SLC35F1: variants seen among roughly 807,000 people sequenced by gnomAD.
The protein encoded by SLC35F1 is solute carrier family 35 member F1, also known as chromosome 6 open reading frame 169.
SLC35F1 carries 14 observed loss-of-function variants against 48.7 expected under a neutral mutation model. That is an observed-to-expected ratio of 0.29 (90% confidence interval 0.19 to 0.45). SLC35F1 has a LOEUF of 0.45. Ranked by LOEUF, SLC35F1 falls within the 20% of genes least tolerant of loss-of-function variation. SLC35F1 has a pLI of 1.00. For synonymous variants in SLC35F1, 190 were observed against 202.2 expected (o/e 0.94, Z 0.51); for missense variants, 404 against 500.0 (o/e 0.81, Z 1.83).
intron 1 of SLC35F1, among the ~76,000 whole-genome samples, chr6:117,994,283 C>A (rs962362718): frequency 6.6e-6 from 1 of 152,136 alleles, no homozygotes; most frequent in African/African-American, 2.4e-5. Context: ...TCTGCTGCAT[C>A]TCTCTGGCTC....
At chr6:118,179,467 C>A (rs941906417) in intron 2 of SLC35F1, among the ~76,000 whole-genome samples, 1 of 152,104 alleles carries the variant, frequency 6.6e-6, no homozygotes, top group African/African-American at 2.4e-5. Context: ...TGTCTGGGCT[C>A]TCAGCAGATT....
chr6:118,258,170 T>C (rs945661619), intron 3 of SLC35F1, among the ~76,000 whole-genome samples: 9 of 152,140 alleles, frequency 5.9e-5, no homozygotes, highest in African/African-American at 2.2e-4. Flanking sequence ...GTACAATGAA[T>C]TTTGTTATTA....
At chr6:118,146,943 G>A (rs946554465) in intron 1 of SLC35F1, among the ~76,000 whole-genome samples, 1 of 152,180 alleles carries the variant, frequency 6.6e-6, no homozygotes, top group Non-Finnish European at 1.5e-5. Flanking sequence ...CTAAAAGTAA[G>A]TCTGAATTGT....
At chr6:118,102,240 G>C (rs1773268297) in intron 1 of SLC35F1, among the ~76,000 whole-genome samples, 1 of 152,164 alleles carries the variant, frequency 6.6e-6, no homozygotes, top group Admixed American at 6.5e-5. Context: ...CTGAAGTGCA[G>C]TGGTGCAATC....
rs558519772 is a variant in SLC35F1, at chr6:118,316,828, G to A, written c.*2576G>A. ...TACTCAGACTTTCATGTCCCTGGGT[G>A]ACCTCAATGTGTTGGTTTGTCTCCA... On this transcript the variant is annotated 3_prime_UTR_variant, in exon 8 of 8. Coordinates refer to ENST00000360388, the MANE Select transcript of SLC35F1 (RefSeq NM_001029858.4). The A allele has an allele frequency of 6.6e-6, 1 of 152,256 alleles. No homozygotes were observed. Among genetic ancestry groups the A allele is most frequent in the East Asian group, 1.9e-4 (1 of 5,188 alleles). 9.4% of individuals were successfully genotyped at this position (152,256 alleles called of 1,614,324 possible). A position where few individuals can be genotyped will look rare whatever the true frequency, so the allele number is the denominator to read the frequency against.
chr6:118,124,615 C>G (rs1020342888), intron 1 of SLC35F1, among the ~76,000 whole-genome samples: 9 of 152,104 alleles, frequency 5.9e-5, no homozygotes, highest in Non-Finnish European at 5.9e-5. Context: ...CCGGCCCAGG[C>G]TGACAAGACC....
At chr6:118,225,874 T>C in intron 2 of SLC35F1, among the ~76,000 whole-genome samples, 1 of 20,366 alleles carries the variant, frequency 4.9e-5, no homozygotes, top group African/African-American at 1.9e-4. Context: ...AGACTTTGTC[T>C]CAAAAAAAAA....
chr6:118,234,558 G>A (rs1775337479), intron 2 of SLC35F1, among the ~76,000 whole-genome samples: 1 of 152,146 alleles, frequency 6.6e-6, no homozygotes, highest in African/African-American at 2.4e-5. Flanking sequence ...CTTACTAGGA[G>A]AACTTGAGCT....
chr6:118,153,555 T>C (rs1200729864), intron 1 of SLC35F1, among the ~76,000 whole-genome samples: 2 of 152,302 alleles, frequency 1.3e-5, no homozygotes, highest in South Asian at 4.1e-4. Flanking sequence ...GAAATCTACT[T>C]TGTATTTGCA....
intron 1 of SLC35F1, among the ~76,000 whole-genome samples, chr6:118,088,593 G>T (rs952351742): frequency 2.0e-5 from 3 of 152,122 alleles, no homozygotes; most frequent in Admixed American, 6.5e-5. Flanking sequence ...AGCACCACTT[G>T]TAATGAATCT....
intron 2 of SLC35F1, among the ~76,000 whole-genome samples, chr6:118,157,650 C>T (rs1033272173): frequency 2.6e-5 from 4 of 152,152 alleles, no homozygotes; most frequent in African/African-American, 9.7e-5. Context: ...AGCTGAAGAA[C>T]TTGAAGTCCG....
chr6:118,233,445 C>T (rs548786785), intron 2 of SLC35F1, among the ~76,000 whole-genome samples: 187 of 152,332 alleles, frequency 1.2e-3, no homozygotes, highest in Admixed American at 2.6e-3. Flanking sequence ...CCTTGCGGAT[C>T]ACATCTGCCA....
At chr6:117,980,124 G>T (rs1434737792) in intron 1 of SLC35F1, among the ~76,000 whole-genome samples, 1 of 152,146 alleles carries the variant, frequency 6.6e-6, no homozygotes, top group Non-Finnish European at 1.5e-5. Context: ...GTGTAAGATT[G>T]CAGACTCTGT....
At chr6:118,142,700 A>G (rs1244138039) in intron 1 of SLC35F1, among the ~76,000 whole-genome samples, 1 of 152,202 alleles carries the variant, frequency 6.6e-6, no homozygotes, top group Non-Finnish European at 1.5e-5. Context: ...AATAAATTTT[A>G]TCTAGCCCAT....
chr6:118,273,140 T>C (rs1429523147), intron 4 of SLC35F1, among the ~76,000 whole-genome samples: 1 of 152,116 alleles, frequency 6.6e-6, no homozygotes, highest in East Asian at 1.9e-4. Context: ...AATTGTGTTG[T>C]GATGATCAAT....
At chr6:117,962,317 A>T (rs1582587544) in intron 1 of SLC35F1, among the ~76,000 whole-genome samples, 1 of 152,310 alleles carries the variant, frequency 6.6e-6, no homozygotes, top group Admixed American at 6.5e-5. Flanking sequence ...TAATACAAAA[A>T]AACAAAACTT....
At chr6:118,313,868 T>G (rs1477685152) in intron 7 of SLC35F1, among the ~76,000 whole-genome samples, 160 bp from the exon 8 acceptor site, 1 of 152,130 alleles carries the variant, frequency 6.6e-6, no homozygotes, top group Non-Finnish European at 1.5e-5. Context: ...ACCAAGCCAG[T>G]TTATGATGAG....
intron 2 of SLC35F1, among the ~76,000 whole-genome samples, chr6:118,159,177 C>T (rs911327310): frequency 6.5e-5 from 9 of 137,574 alleles, no homozygotes; most frequent in East Asian, 2.3e-4. Flanking sequence ...GCAGAGATCG[C>T]GCCACTGCAC....
chr6:118,229,343 G>T (rs991262192), intron 2 of SLC35F1, among the ~76,000 whole-genome samples: 1 of 152,176 alleles, frequency 6.6e-6, no homozygotes, highest in African/African-American at 2.4e-5. Flanking sequence ...CTGAACTGAT[G>T]GTGATGGGAC....
Sources: allele counts gnomAD v4.1 joint callset (sites outside exome capture counted in the v4.1 genomes callset), GRCh38; gene constraint gnomAD v4.1.1; transcripts MANE v1.5; gene names NCBI Gene and HGNC (gene_info 2026-07-23, HGNC 2026-07-21).